The following ODR4 variants were observed in gnomAD, a reference collection of about 807,000 sequenced individuals.
ODR4 encodes the protein odr-4 GPCR localization factor homolog.
In ODR4, 47 loss-of-function variants were observed where a neutral mutation model predicts 60.2. The observed-to-expected ratio is 0.78, with a 90% CI of 0.62 to 1.00. The LOEUF is 1.00. Ranked by LOEUF, ODR4 falls within the 50% of genes least tolerant of loss-of-function variation. The probability of loss-of-function intolerance (pLI) is 0.00; values close to 1 mark genes in which losing one functional copy is unlikely to be tolerated. For missense variants in ODR4, 488 were observed against 530.8 expected, an observed-to-expected ratio of 0.92 and a Z score of 0.79; for synonymous variants, 178 against 175.5, an observed-to-expected ratio of 1.01 and a Z score of -0.11.
At chr1:186,425,157 G>A (rs1661862329), downstream of ODR4, among the ~76,000 whole-genome samples, 1 of 152,034 alleles carries the variant, frequency 6.6e-6, no homozygotes, top group African/African-American at 2.4e-5. Flanking sequence ...ATGACATCAA[G>A]TTCAAGCTCA....
At chr1:186,430,825 A>G in the ODR4 span, among the ~76,000 whole-genome samples, 12 of 151,572 alleles carry the variant, frequency 7.9e-5, no homozygotes, top group African/African-American at 2.4e-4. Context: ...TACAGTTTAC[A>G]AAGTATTTTC....
At chr1:186,418,289 CTTTTTT>C (rs35821609) in intron 13 of ODR4, among the ~76,000 whole-genome samples, 1 of 110,382 alleles carries the variant, frequency 9.1e-6, no homozygotes, top group South Asian at 2.8e-4. Context: ...TTCTTTCTTT[CTTTTTT>C]TTTTTTTTTT....
chr1:186,413,602 T>G (rs571736607), intron 12 of ODR4, among the ~76,000 whole-genome samples: 1 of 152,186 alleles, frequency 6.6e-6, no homozygotes, highest in Non-Finnish European at 1.5e-5. Context: ...AAATTTGAAG[T>G]CATACCTTTA....
downstream of ODR4, among the ~76,000 whole-genome samples, chr1:186,422,512 C>T (rs1198468881): frequency 6.6e-6 from 1 of 152,046 alleles, no homozygotes; most frequent in Admixed American, 6.5e-5. Flanking sequence ...TGTATATTAG[C>T]AAAACTGGAC....
intron 12 of ODR4, chr1:186,412,014 A>T (rs1661398178): frequency 5.5e-6 from 1 of 181,772 alleles, no homozygotes; most frequent in Non-Finnish European, 1.1e-5. Flanking sequence ...TCCTTTCAGG[A>T]CTCTGCCCTG....
In ODR4 at chr1:186,417,622, C is replaced by G. The variant is rs761259791; in HGVS notation, c.1265C>G (p.Thr422Ser). 10 of 1,597,008 alleles carry G rather than the reference C, an allele frequency of 6.3e-6. No homozygotes were observed. In the Admixed American group the frequency reaches 1.5e-4, roughly 25 times the overall value. Residue 422 changes from threonine to serine, a missense_variant, in exon 13 of 14, where the codon ACT (threonine) becomes AGT (serine). Transcript: ENST00000287859. The part of the protein sequence containing the change: ...DDEQPKQPIK[T>S]TMLLKIQQNI... Reference sequence around the variant, plus strand: ...GAACAACCAAAACAACCAATTAAAACTACAATGTTATTGAAAATTCAGCAA... The same window carrying G: ...GAACAACCAAAACAACCAATTAAAAGTACAATGTTATTGAAAATTCAGCAA...
downstream of ODR4, among the ~76,000 whole-genome samples, chr1:186,422,100 A>C (rs145682978): frequency 6.6e-6 from 1 of 152,222 alleles, no homozygotes; most frequent in East Asian, 1.9e-4. Context: ...AGGCTGTTTA[A>C]AATAAAACAC....
At chr1:186,399,990 C>CTTTT (rs948511178) in intron 11 of ODR4, among the ~76,000 whole-genome samples, 8 of 112,046 alleles carry the variant, frequency 7.1e-5, no homozygotes, top group Non-Finnish European at 1.3e-4. Context: ...TTTTTTTTTT[C>CTTTT]TTTTTTTTTT....
the ODR4 span, among the ~76,000 whole-genome samples, chr1:186,428,353 A>G: frequency 6.6e-6 from 1 of 152,160 alleles, no homozygotes; most frequent in African/African-American, 2.4e-5. Context: ...AAACCCCATG[A>G]ACCAACCTCT....
intron 11 of ODR4, among the ~76,000 whole-genome samples, chr1:186,402,821 T>G (rs1457594446): frequency 6.6e-6 from 1 of 152,106 alleles, no homozygotes; most frequent in East Asian, 1.9e-4. Flanking sequence ...CTCAAACTTC[T>G]GGCCCCAAGC....
At chr1:186,382,874 C>T in intron 2 of ODR4, 148 bp from the exon 3 acceptor site, 1 of 719,576 alleles carries the variant, frequency 1.4e-6, no homozygotes, top group Non-Finnish European at 2.1e-6. Context: ...CCTTTAGCTT[C>T]CATTATAATG....
At chr1:186,423,576 T>C (rs1661835243), downstream of ODR4, among the ~76,000 whole-genome samples, 1 of 146,296 alleles carries the variant, frequency 6.8e-6, no homozygotes, top group Admixed American at 7.0e-5. Flanking sequence ...TGCCTCAACC[T>C]CCCGAGTAGC....
intron 9 of ODR4, among the ~76,000 whole-genome samples, chr1:186,396,955 C>G (rs1003996077): frequency 1.3e-5 from 2 of 152,084 alleles, no homozygotes; most frequent in African/African-American, 4.8e-5. Flanking sequence ...ATTGATGTAT[C>G]AATGAACTCT....
At chr1:186,406,962 T>C (rs929101441) in intron 12 of ODR4, among the ~76,000 whole-genome samples, 1 of 152,202 alleles carries the variant, frequency 6.6e-6, no homozygotes, top group Non-Finnish European at 1.5e-5. Context: ...AGTTATTCTT[T>C]GCATAGTTAA....
intron 2 of ODR4, among the ~76,000 whole-genome samples, chr1:186,380,422 A>C (rs1313753238): frequency 2.0e-5 from 3 of 152,182 alleles, no homozygotes; most frequent in Non-Finnish European, 2.9e-5. Context: ...TTTGGAAATT[A>C]GACAAATTCT....
At chr1:186,379,513 G>A (rs1310438162) in intron 1 of ODR4, among the ~76,000 whole-genome samples, 1 of 151,566 alleles carries the variant, frequency 6.6e-6, no homozygotes, top group Non-Finnish European at 1.5e-5. Flanking sequence ...CTTATCCCAG[G>A]TATGAGTAAA....
At chr1:186,424,793 TGGC>T (rs1661856899), downstream of ODR4, among the ~76,000 whole-genome samples, 2 of 151,990 alleles carry the variant, frequency 1.3e-5, no homozygotes, top group South Asian at 4.2e-4. Context: ...CCAGTCGTGG[TGGC>T]TGGGCTTGCT....
chr1:186,393,411 G>T (rs1036172011), intron 8 of ODR4, among the ~76,000 whole-genome samples: 1 of 152,206 alleles, frequency 6.6e-6, no homozygotes, highest in Non-Finnish European at 1.5e-5. Context: ...GCCACATGTT[G>T]TTCTGCCCTG....
rs949547407 is a variant in ODR4, at chr1:186,398,458, C to T, written c.909+17C>T. 8.2e-6 allele frequency: 13 copies of T among 1,587,474 alleles called. No individual in the cohort carries two copies. The highest frequency in any genetic ancestry group is 1.7e-4 in the Middle Eastern group (1 of 5,990). On this transcript the variant is annotated intron_variant, in intron 10 of 13. Coordinates refer to ENST00000287859, the MANE Select transcript of ODR4 (RefSeq NM_017847.6). Reference sequence around the variant, plus strand: ...GCTGTGCAGGTACAAAAAGGAATAACGAGCATATGGAACCATGTTAACTAT... The same window carrying T: ...GCTGTGCAGGTACAAAAAGGAATAATGAGCATATGGAACCATGTTAACTAT...
Sources: gnomAD v4.1 joint callset for allele counts (sites outside exome capture counted in the v4.1 genomes callset) on GRCh38, gnomAD v4.1.1 for gene constraint, MANE v1.5 for transcripts, NCBI Gene and HGNC (gene_info 2026-07-23, HGNC 2026-07-21) for gene names.